The following TULP4 variants were observed in gnomAD, a reference collection of about 807,000 sequenced individuals.
TULP4 encodes the protein tubby-related protein 4.
A neutral mutation model predicts 129.0 loss-of-function variants in TULP4; 16 were observed. The observed-to-expected ratio is 0.12, with a 90% CI of 0.08 to 0.19. The LOEUF (loss-of-function observed/expected upper bound fraction) is 0.19, where lower values mean the gene tolerates loss of function less well. Among genes scored for constraint, TULP4 ranks in the 10% least tolerant of loss-of-function variants. TULP4 has a pLI of 1.00. For missense variants in TULP4, 1,842 were observed against 2,059.1 expected, an observed-to-expected ratio of 0.89 and a Z score of 2.04; for synonymous variants, 998 against 854.0, an observed-to-expected ratio of 1.17 and a Z score of -2.94.
At chr6:158,326,487 G>A (rs1159625663) in intron 1 of TULP4, among the ~76,000 whole-genome samples, 1 of 152,014 alleles carries the variant, frequency 6.6e-6, no homozygotes, top group African/African-American at 2.4e-5. Flanking sequence ...TTTATTCCAC[G>A]TGTCGTTTAT....
chr6:158,371,581 T>C (rs2114878306), intron 1 of TULP4, among the ~76,000 whole-genome samples: 1 of 152,364 alleles, frequency 6.6e-6, no homozygotes, highest in Admixed American at 6.5e-5. Context: ...CCACCTCACA[T>C]TTCACTAATA....
chr6:158,379,204 A>G (rs899774966), intron 1 of TULP4, among the ~76,000 whole-genome samples: 3 of 152,202 alleles, frequency 2.0e-5, no homozygotes, highest in East Asian at 1.9e-4. Context: ...AGAAGACTCA[A>G]ACTTCCTGGT....
At chr6:158,337,824 G>A (rs1187786750) in intron 1 of TULP4, among the ~76,000 whole-genome samples, 1 of 151,460 alleles carries the variant, frequency 6.6e-6, no homozygotes, top group African/African-American at 2.4e-5. Context: ...AGCACTTTTG[G>A]GACTGAAACA....
intron 1 of TULP4, among the ~76,000 whole-genome samples, chr6:158,354,055 C>T (rs1394718670): frequency 6.6e-6 from 1 of 152,188 alleles, no homozygotes. Flanking sequence ...GTGTCCTCAC[C>T]TGAAGGCCCA....
chr6:158,500,864 G>A (rs563278094), intron 12 of TULP4, among the ~76,000 whole-genome samples: 1 of 152,226 alleles, frequency 6.6e-6, no homozygotes, highest in Admixed American at 6.5e-5. Context: ...CAGGAGTTGG[G>A]GACCAGCCTG....
intron 1 of TULP4, among the ~76,000 whole-genome samples, chr6:158,334,699 A>G (rs1779992148): frequency 1.3e-5 from 2 of 152,168 alleles, no homozygotes; most frequent in South Asian, 4.1e-4. Flanking sequence ...CAGTGGTCTG[A>G]ATGTGTCCTC....
Position 158,242,266 on chromosome 6 carries a change from A to T in TULP4, n.68+9963A>T, listed in dbSNP as rs185429325. On this transcript the variant is annotated intron_variant and non_coding_transcript_variant, in intron 1 of 1. Coordinates refer to the TULP4 transcript ENST00000620026. ...GGCCTGGTTCAGCTGGCCGTGGTCT[A>T]TCAGTGCACATGCAGTGTTTAGCAC... 9.0e-6 allele frequency: 14 copies of T among 1,548,254 alleles called. No homozygotes were observed. The South Asian group carries it at 1.5e-4, about 16-fold the overall frequency.
chr6:158,464,697 C>T (rs946030115), intron 6 of TULP4, among the ~76,000 whole-genome samples: 2 of 152,186 alleles, frequency 1.3e-5, no homozygotes. Flanking sequence ...CTGCGCCTGG[C>T]CCCAAGGTTC....
intron 2 of TULP4, among the ~76,000 whole-genome samples, chr6:158,423,457 A>G (rs1412435055): frequency 6.8e-6 from 1 of 146,982 alleles, no homozygotes; most frequent in South Asian, 2.1e-4. Flanking sequence ...TGTCACCACA[A>G]AGAAATGATA....
chr6:158,242,349 C>T (rs1777938714), intron 1 of TULP4: 1 of 1,525,432 alleles, frequency 6.6e-7, no homozygotes, highest in Non-Finnish European at 9.1e-7. Flanking sequence ...TTCCCAATTG[C>T]TTTGAGCTGC....
At position 158,503,089 on chromosome 6, in the gene TULP4, T is replaced by A. The variant is rs764265881; in HGVS notation, c.3426T>A (p.Thr1142=). ...TTCCTCAAGAAAGGACAGCACAGAC[T>A]TCAGGGCCCAACCCCTTAAAACTGT... The part of the protein sequence containing the change: ...VWVPQERTAQ[T]SGPNPLKLSS... The change falls in exon 13 of 14, where the codon ACT becomes ACA. Residue 1142 remains threonine (T), a synonymous_variant. Transcript: ENST00000367097. This position sits in a 1 kb window ranked among gnomAD's most constrained non-coding sequence, Gnocchi z 4.3. 6.2e-7 allele frequency: 1 copy of A among 1,614,110 alleles called. No individual in the cohort carries two copies. The highest frequency in any genetic ancestry group is 8.5e-7 in the Non-Finnish European group (1 of 1,179,996).
chr6:158,455,548 C>T (rs1297845085), intron 5 of TULP4, among the ~76,000 whole-genome samples: 1 of 151,728 alleles, frequency 6.6e-6, no homozygotes, highest in East Asian at 2.0e-4. Context: ...ACCAGCCTGG[C>T]CAACATGGCC....
intron 13 of TULP4, 92 bp from the exon 14 acceptor site, chr6:158,506,486 C>T: frequency 1.2e-6 from 1 of 845,452 alleles, no homozygotes; most frequent in East Asian, 2.5e-5. Context: ...CCACCTCGGC[C>T]TCCCAAAGTG....
At chr6:158,301,350 G>A (rs565173569) in intron 1 of TULP4, among the ~76,000 whole-genome samples, 11 of 151,902 alleles carry the variant, frequency 7.2e-5, no homozygotes, top group Middle Eastern at 6.9e-3. Flanking sequence ...CTGATCTTTG[G>A]TCAATCAAGT....
chr6:158,337,284 C>T (rs893702956), intron 1 of TULP4, among the ~76,000 whole-genome samples: 8 of 152,026 alleles, frequency 5.3e-5, no homozygotes, highest in African/African-American at 1.9e-4. Flanking sequence ...TGCACACCAC[C>T]ATGCCCAGCT....
intron 1 of TULP4, among the ~76,000 whole-genome samples, chr6:158,369,826 A>G (rs1466625588): frequency 6.6e-6 from 1 of 151,922 alleles, no homozygotes; most frequent in Non-Finnish European, 1.5e-5. Flanking sequence ...GGGGAGGGAG[A>G]TTTGCTTTCT....
At chr6:158,239,900 C>G (rs1334097227) in intron 1 of TULP4, among the ~76,000 whole-genome samples, 78 of 63,058 alleles carry the variant, frequency 1.2e-3, no homozygotes, top group African/African-American at 3.6e-3. Flanking sequence ...CGGGCAGAGG[C>G]GCCCCTCACC....
chr6:158,259,317 A>G (rs543050768), intron 1 of TULP4, among the ~76,000 whole-genome samples: 1 of 152,212 alleles, frequency 6.6e-6, no homozygotes, highest in Non-Finnish European at 1.5e-5. Context: ...CTGTCATTGT[A>G]TCTCATCAGG....
chr6:158,309,218 A>G (rs10455814), upstream of TULP4, among the ~76,000 whole-genome samples: 34,572 of 48,398 alleles, frequency 0.71, 12,464 homozygotes, highest in Admixed American at 0.82. Context: ...CTCAGACGGG[A>G]CGGCCGGGCA....
Sources: allele counts gnomAD v4.1 joint callset (sites outside exome capture counted in the v4.1 genomes callset), GRCh38; gene constraint gnomAD v4.1.1; non-coding constraint Gnocchi (gnomAD v3.1); transcripts MANE v1.5; gene names NCBI Gene and HGNC (gene_info 2026-07-23, HGNC 2026-07-21).